GABRB3: variants seen among roughly 807,000 people sequenced by gnomAD.
GABRB3 encodes the protein gamma-aminobutyric acid type A receptor subunit beta3.
A neutral mutation model predicts 52.1 loss-of-function variants in GABRB3; 14 were observed. The observed-to-expected ratio is 0.27, with a 90% confidence interval of 0.18 to 0.42. The LOEUF (loss-of-function observed/expected upper bound fraction) is 0.42. GABRB3 is among the 10% of genes least tolerant of loss of function. The pLI, the probability that GABRB3 is intolerant of heterozygous loss-of-function variation, is 1.00. For synonymous variants in GABRB3, 260 were observed against 232.3 expected, an observed-to-expected ratio of 1.12 and a Z score of -1.08; for missense variants, 307 against 609.1, an observed-to-expected ratio of 0.50 and a Z score of 5.22.
At chr15:26,709,552 C>T (rs544922427) in intron 3 of GABRB3, among the ~76,000 whole-genome samples, 1 of 110,640 alleles carries the variant, frequency 9.0e-6, no homozygotes, top group South Asian at 3.1e-4. Flanking sequence ...CAGTCTTGCT[C>T]TGTCGCCCAG....
rs555678927 is a variant in GABRB3 at position 26,654,654 on chromosome 15, G to C, written c.241-33120C>G. Among the ~76,000 whole-genome samples the C allele has an allele frequency of 1.3e-4, 20 of 152,166 alleles. No individual in the cohort carries two copies. In the South Asian group the frequency reaches 4.1e-3, roughly 32 times the overall value. ...CACACACCTGTAGTCCCCACTCCTG[G>C]GTAGGCTGACTTAAGAGAAGCATGT... On this transcript the variant is annotated intron_variant, in intron 3 of 8. Transcript: ENST00000311550.
chr15:26,735,564 T>C (rs965294174), intron 3 of GABRB3, among the ~76,000 whole-genome samples: 1 of 152,174 alleles, frequency 6.6e-6, no homozygotes, highest in African/African-American at 2.4e-5. Context: ...GGTATATCTA[T>C]AGAAGGGAAT....
At chr15:26,651,895 A>T (rs1032735365) in intron 3 of GABRB3, among the ~76,000 whole-genome samples, 1 of 152,188 alleles carries the variant, frequency 6.6e-6, no homozygotes, top group South Asian at 2.1e-4. Flanking sequence ...TCCCCCACAA[A>T]GCCACCTTTT....
At chr15:26,675,258 G>T (rs188400466) in intron 3 of GABRB3, among the ~76,000 whole-genome samples, 1 of 152,302 alleles carries the variant, frequency 6.6e-6, no homozygotes, top group East Asian at 1.9e-4. Context: ...CCAAAGATTT[G>T]ATTTGGAATC....
chr15:26,629,143 GC>G, intron 3 of GABRB3: 1 of 1,517,832 alleles, frequency 6.6e-7, no homozygotes. Context: ...GCTCGGGGAG[GC>G]GCAGGGGCGG....
At chr15:26,681,891 G>C (rs1329488186) in intron 3 of GABRB3, among the ~76,000 whole-genome samples, 1 of 152,112 alleles carries the variant, frequency 6.6e-6, no homozygotes, top group Non-Finnish European at 1.5e-5. Context: ...AGGATCACTT[G>C]AGGATGCAGT....
At chr15:26,668,674 C>T (rs1887792921) in intron 3 of GABRB3, among the ~76,000 whole-genome samples, 1 of 152,146 alleles carries the variant, frequency 6.6e-6, no homozygotes, top group Non-Finnish European at 1.5e-5. Flanking sequence ...CAAAATAATA[C>T]ATAGCTAAGA....
At chr15:26,712,833 G>A (rs1177489409) in intron 3 of GABRB3, among the ~76,000 whole-genome samples, 8 of 152,180 alleles carry the variant, frequency 5.3e-5, no homozygotes, top group Non-Finnish European at 1.0e-4. Context: ...AGCAGATATC[G>A]TGGCCGGAGC....
chr15:26,606,444 TAAAAATTGA>T (rs1405374937), intron 4 of GABRB3, among the ~76,000 whole-genome samples: 1 of 151,900 alleles, frequency 6.6e-6, no homozygotes, highest in Admixed American at 6.6e-5. Context: ...CCACAAAAAT[TAAAAATTGA>T]AAAAATTGAA....
At chr15:26,598,301 T>C (rs1254121017) in intron 4 of GABRB3, among the ~76,000 whole-genome samples, 3 of 152,126 alleles carry the variant, frequency 2.0e-5, no homozygotes, top group Non-Finnish European at 2.9e-5. Flanking sequence ...ATTGAAGTTT[T>C]TATAAGAGGA....
intron 3 of GABRB3, among the ~76,000 whole-genome samples, chr15:26,635,558 A>G (rs929965616): frequency 6.6e-6 from 1 of 152,218 alleles, no homozygotes; most frequent in African/African-American, 2.4e-5. Context: ...ACGTTTATTT[A>G]TCAGGAGGAA....
At chr15:26,664,343 T>G (rs1451348389) in intron 3 of GABRB3, among the ~76,000 whole-genome samples, 1 of 152,170 alleles carries the variant, frequency 6.6e-6, no homozygotes, top group African/African-American at 2.4e-5. Flanking sequence ...AAAAAACTCA[T>G]GAGAGGGGCA....
chr15:26,605,179 C>T (rs1595475486), intron 4 of GABRB3, among the ~76,000 whole-genome samples: 1 of 152,144 alleles, frequency 6.6e-6, no homozygotes, highest in Non-Finnish European at 1.5e-5. Flanking sequence ...CATCACTGAT[C>T]ATCAGAGAAA....
intron 3 of GABRB3, among the ~76,000 whole-genome samples, chr15:26,655,168 G>A (rs1887328746): frequency 6.6e-6 from 1 of 152,172 alleles, no homozygotes; most frequent in Non-Finnish European, 1.5e-5. Context: ...ATTTAATATA[G>A]TAGAGATCAT....
intron 3 of GABRB3, among the ~76,000 whole-genome samples, chr15:26,677,939 G>C (rs1433449850): frequency 2.0e-5 from 3 of 152,212 alleles, no homozygotes; most frequent in Non-Finnish European, 4.4e-5. Context: ...ATCTGTGAAA[G>C]AGAGGTCAGG....
chr15:26,628,974 T>C lies in GABRB3; in HGVS notation c.241-7440A>G, dbSNP rs1012766353. On this transcript the variant is annotated intron_variant, in intron 3 of 8. Coordinates refer to ENST00000311550, the MANE Select transcript of GABRB3 (RefSeq NM_000814.6). ...GCCGAGAGCCCGCGTCCCCGACTTT[T>C]ACCTCTTCTGTCTGGTAGGTGGCCC... is the stretch of plus-strand genomic sequence containing the variant. 15 of 1,536,128 alleles carry C rather than the reference T, an allele frequency of 9.8e-6. No individual in the cohort carries two copies. In the South Asian group the frequency reaches 1.8e-4, roughly 18 times the overall value.
At chr15:26,644,536 G>T (rs1234397721) in intron 3 of GABRB3, among the ~76,000 whole-genome samples, 1 of 152,182 alleles carries the variant, frequency 6.6e-6, no homozygotes, top group African/African-American at 2.4e-5. Flanking sequence ...ACAGGACTGG[G>T]GCAGATTCTC....
chr15:26,711,375 G>A (rs1015327088), intron 3 of GABRB3, among the ~76,000 whole-genome samples: 3 of 152,134 alleles, frequency 2.0e-5, no homozygotes, highest in Non-Finnish European at 4.4e-5. Context: ...TGGGAAACTG[G>A]CCCTCCGACC....
intron 3 of GABRB3, among the ~76,000 whole-genome samples, chr15:26,758,855 G>A (rs916988401): frequency 2.0e-5 from 3 of 152,048 alleles, no homozygotes; most frequent in East Asian, 1.9e-4. Context: ...GTAAATTAGC[G>A]CAAATGACTT....
Sources: allele counts gnomAD v4.1 joint callset (sites outside exome capture counted in the v4.1 genomes callset), GRCh38; gene constraint gnomAD v4.1.1; transcripts MANE v1.5; gene names NCBI Gene and HGNC (gene_info 2026-07-23, HGNC 2026-07-21).